Variants in PTN observed in about 807,000 individuals in gnomAD.
PTN encodes the protein heparin affin regulatory protein.
A neutral mutation model predicts 24.1 loss-of-function variants in PTN; 18 were observed. The observed-to-expected ratio is 0.75, with a 90% CI of 0.52 to 1.11. PTN has a LOEUF of 1.11. PTN is among the 50% of genes least tolerant of loss of function. PTN has a pLI of 0.00. For synonymous variants in PTN, 78 were observed against 68.6 expected (o/e 1.14, Z -0.67); for missense variants, 163 against 198.8 (o/e 0.82, Z 1.08).
intron 1 of PTN, among the ~76,000 whole-genome samples, chr7:137,319,197 C>T (rs769137182): frequency 1.4e-4 from 22 of 152,174 alleles, no homozygotes; most frequent in Non-Finnish European, 2.8e-4. Flanking sequence ...CTGCAGTTTA[C>T]TTAATATCCC....
chr7:137,284,821 T>C (rs1809528783), intron 1 of PTN, among the ~76,000 whole-genome samples: 1 of 152,128 alleles, frequency 6.6e-6, no homozygotes, highest in Non-Finnish European at 1.5e-5. Context: ...GGATTCTAGT[T>C]CAAGCAGGAA....
At chr7:137,327,451 C>T (rs1379963609) in intron 1 of PTN, among the ~76,000 whole-genome samples, 3 of 152,048 alleles carry the variant, frequency 2.0e-5, no homozygotes, top group African/African-American at 7.2e-5. Context: ...ATCTCTTTGG[C>T]TTTCCTCTTT....
chr7:137,296,198 A>G (rs1207673415), intron 1 of PTN, among the ~76,000 whole-genome samples: 2 of 152,128 alleles, frequency 1.3e-5, no homozygotes, highest in Non-Finnish European at 2.9e-5. Flanking sequence ...AGCAAGTGAG[A>G]TAAACATATG....
intron 1 of PTN, among the ~76,000 whole-genome samples, chr7:137,319,442 G>A (rs1316241349): frequency 2.0e-5 from 3 of 152,128 alleles, no homozygotes; most frequent in Admixed American, 6.5e-5. Context: ...TTGGGGAGTC[G>A]TTCCTTAAAA....
chr7:137,315,609 C>T (rs145818340), intron 1 of PTN, among the ~76,000 whole-genome samples: 11 of 152,202 alleles, frequency 7.2e-5, no homozygotes, highest in South Asian at 6.2e-4. Context: ...GAGATCTAGC[C>T]GGATTCGAAC....
At chr7:137,317,400 TA>T (rs1219072940) in intron 1 of PTN, among the ~76,000 whole-genome samples, 1 of 152,254 alleles carries the variant, frequency 6.6e-6, no homozygotes, top group Non-Finnish European at 1.5e-5. Context: ...ATGACTTCTT[TA>T]AATTTTCTAA....
chr7:137,235,774 TTCA>T (rs1808509392), intron 4 of PTN, among the ~76,000 whole-genome samples: 1 of 152,282 alleles, frequency 6.6e-6, no homozygotes, highest in East Asian at 1.9e-4. Context: ...TTCCTCTTCA[TTCA>T]TCAACTCTAT....
intron 1 of PTN, among the ~76,000 whole-genome samples, chr7:137,275,649 T>A (rs560665398): frequency 5.5e-4 from 82 of 149,638 alleles, no homozygotes; most frequent in East Asian, 1.6e-3. Context: ...AATCTTTTTT[T>A]AAAAAAAAAA....
chr7:137,299,969 C>T (rs16874937), intron 1 of PTN, among the ~76,000 whole-genome samples: 30,456 of 151,776 alleles, frequency 0.2, 3,127 homozygotes, highest in South Asian at 0.25. Flanking sequence ...AATTCTTTCA[C>T]GGAAAGCCTA....
At chr7:137,245,331 T>C (rs1315757648) in intron 4 of PTN, among the ~76,000 whole-genome samples, 3 of 152,222 alleles carry the variant, frequency 2.0e-5, no homozygotes, top group African/African-American at 7.2e-5. Context: ...TTTCAACCAA[T>C]GATGGACCAC....
At chr7:137,236,158 G>T in intron 4 of PTN, 1 of 701,968 alleles carries the variant, frequency 1.4e-6, no homozygotes, top group South Asian at 1.5e-5. Context: ...TGCATCAGTA[G>T]ACGAATCCAT....
At position 137,265,015 on chromosome 7, in the gene PTN, T is replaced by G. The variant is rs1014329326; in HGVS notation, c.-1-10041A>C. ...TTGACACATAGAGTGTAAAAAGTTT[T>G]GTCAGGTCAGGTGGCCCCAGGGCTG... On this transcript the variant is annotated intron_variant, in intron 1 of 4. Transcript: ENST00000348225. Among the ~76,000 whole-genome samples, 3 of 151,746 alleles carry G rather than the reference T, an allele frequency of 2.0e-5. No individual in the cohort carries two copies. In the South Asian group the frequency reaches 6.2e-4, roughly 32 times the overall value.
chr7:137,294,048 CAG>C (rs1809681761), intron 1 of PTN, among the ~76,000 whole-genome samples: 1 of 152,130 alleles, frequency 6.6e-6, no homozygotes, highest in Non-Finnish European at 1.5e-5. Flanking sequence ...CATGTATTTA[CAG>C]AGTTTCTCTT....
At chr7:137,242,668 T>A (rs1808651274) in intron 4 of PTN, among the ~76,000 whole-genome samples, 1 of 152,184 alleles carries the variant, frequency 6.6e-6, no homozygotes, top group Non-Finnish European at 1.5e-5. Flanking sequence ...TTAGGCAATA[T>A]CACCTGTGGC....
chr7:137,338,880 C>G (rs1365074539), intron 1 of PTN, among the ~76,000 whole-genome samples: 3 of 152,078 alleles, frequency 2.0e-5, no homozygotes, highest in Admixed American at 2.0e-4. Flanking sequence ...GAGAATCTTC[C>G]TTCAATTCTC....
intron 1 of PTN, among the ~76,000 whole-genome samples, chr7:137,310,595 G>C (rs111629295): frequency 4.6e-5 from 7 of 151,656 alleles, no homozygotes; most frequent in Admixed American, 3.9e-4. Flanking sequence ...TAGTAGAGAC[G>C]GGGTTTCACC....
chr7:137,315,351 GA>G (rs143291701), intron 1 of PTN, among the ~76,000 whole-genome samples: 1,885 of 140,084 alleles, frequency 0.013, 34 homozygotes, highest in African/African-American at 0.041. Flanking sequence ...ACACTTACAC[GA>G]AAAAAAAAAA....
intron 1 of PTN, among the ~76,000 whole-genome samples, chr7:137,292,979 A>G (rs1243770351): frequency 2.0e-5 from 3 of 152,186 alleles, no homozygotes; most frequent in African/African-American, 7.2e-5. Flanking sequence ...CTTTAGTCCT[A>G]ACACTCTATC....
chr7:137,263,604 G>A (rs1809082341), intron 1 of PTN, among the ~76,000 whole-genome samples: 2 of 152,100 alleles, frequency 1.3e-5, no homozygotes, highest in South Asian at 4.2e-4. Flanking sequence ...GCTGTCTTGT[G>A]CCTAAGTACC....
Sources: gnomAD v4.1 joint callset for allele counts (sites outside exome capture counted in the v4.1 genomes callset) on GRCh38, gnomAD v4.1.1 for gene constraint, MANE v1.5 for transcripts, NCBI Gene and HGNC (gene_info 2026-07-23, HGNC 2026-07-21) for gene names.